Variants in XPR1 observed in about 807,000 individuals in gnomAD.
XPR1 encodes solute carrier family 53 member 1.
In XPR1, 28 loss-of-function variants were observed where a neutral mutation model predicts 87.5. The observed-to-expected ratio is 0.32, with a 90% CI of 0.24 to 0.44. The LOEUF (loss-of-function observed/expected upper bound fraction) is 0.44, where lower values mean the gene tolerates loss of function less well. Ranked by LOEUF, XPR1 falls within the 20% of genes least tolerant of loss-of-function variation. XPR1 has a pLI of 1.00. For missense variants in XPR1, 559 were observed against 862.3 expected (o/e 0.65, Z 4.41); for synonymous variants, 300 against 306.1 (o/e 0.98, Z 0.21).
At chr1:180,648,333 G>A (rs6685113) in intron 1 of XPR1, among the ~76,000 whole-genome samples, 24,946 of 152,142 alleles carry the variant, frequency 0.16, 2,874 homozygotes, top group African/African-American at 0.32. Flanking sequence ...GTTTAGCTGC[G>A]CTATGTGAGA....
Position 180,884,323 on chromosome 1 carries a change from C to G in XPR1, c.*257C>G, listed in dbSNP as rs1048823475. On this transcript the variant is annotated 3_prime_UTR_variant, in exon 15 of 15. Coordinates refer to ENST00000367590, the MANE Select transcript of XPR1 (RefSeq NM_004736.4). ...GCCAATCAGAGGATGTTTTAAGAAA[C>G]AAAACATAGTATCTTATGGATTGTT... 1 of 394,834 alleles carries G rather than the reference C, an allele frequency of 2.5e-6. No individual in the cohort carries two copies. Among genetic ancestry groups the G allele is most frequent in the African/African-American group, 2.1e-5 (1 of 48,526 alleles). 24.5% of individuals were successfully genotyped at this position (394,834 alleles called of 1,614,324 possible).
At chr1:180,785,143 C>A (rs899930576) in intron 2 of XPR1, among the ~76,000 whole-genome samples, 64 of 151,538 alleles carry the variant, frequency 4.2e-4, no homozygotes, top group African/African-American at 1.5e-3. Flanking sequence ...AAAACAATCT[C>A]TCTCTCTCTT....
intron 1 of XPR1, among the ~76,000 whole-genome samples, chr1:180,639,065 G>A (rs1654877641): frequency 6.6e-6 from 1 of 152,194 alleles, no homozygotes; most frequent in African/African-American, 2.4e-5. Flanking sequence ...GGGAGGCCAA[G>A]GCAGGCAGAT....
At chr1:180,809,138 G>A (rs1650112567) in intron 6 of XPR1, among the ~76,000 whole-genome samples, 1 of 152,152 alleles carries the variant, frequency 6.6e-6, no homozygotes, top group South Asian at 2.1e-4. Flanking sequence ...TTAATTATGT[G>A]GAGAGAAAGC....
At chr1:180,775,501 A>ATATCTT (rs1469709242) in intron 2 of XPR1, among the ~76,000 whole-genome samples, 28 of 152,202 alleles carry the variant, frequency 1.8e-4, no homozygotes, top group South Asian at 4.1e-4. Flanking sequence ...TTATCCTCAG[A>ATATCTT]TATCTTTTGT....
At chr1:180,795,436 A>G (rs1018417396) in intron 3 of XPR1, among the ~76,000 whole-genome samples, 15 of 152,202 alleles carry the variant, frequency 9.9e-5, no homozygotes, top group Non-Finnish European at 1.5e-4. Flanking sequence ...TTGTTCTCAT[A>G]TTCAGGTCAC....
At chr1:180,745,398 G>C (rs147657285) in intron 2 of XPR1, among the ~76,000 whole-genome samples, 210 of 152,298 alleles carry the variant, frequency 1.4e-3, no homozygotes, top group African/African-American at 4.3e-3. Flanking sequence ...GTCCGAGAAC[G>C]AGAGTGAGCA....
intron 2 of XPR1, among the ~76,000 whole-genome samples, chr1:180,727,780 A>G (rs1658405945): frequency 6.6e-6 from 1 of 152,228 alleles, no homozygotes; most frequent in Admixed American, 6.5e-5. Flanking sequence ...TGTGCTAAAC[A>G]AGGGGTGGAT....
chr1:180,801,942 A>G (rs1649801346), intron 3 of XPR1, among the ~76,000 whole-genome samples: 3 of 151,952 alleles, frequency 2.0e-5, no homozygotes, highest in Admixed American at 1.3e-4. Flanking sequence ...GATTACAGGA[A>G]TGCACCACCA....
At chr1:180,730,314 G>C (rs1314094767) in intron 2 of XPR1, among the ~76,000 whole-genome samples, 1 of 152,036 alleles carries the variant, frequency 6.6e-6, no homozygotes, top group Non-Finnish European at 1.5e-5. Flanking sequence ...TTTGAAGTTA[G>C]GTAATAGGAT....
At chr1:180,829,082 G>A (rs1650963450) in intron 9 of XPR1, among the ~76,000 whole-genome samples, 1 of 152,116 alleles carries the variant, frequency 6.6e-6, no homozygotes, top group Non-Finnish European at 1.5e-5. Flanking sequence ...TGTAGCCCCA[G>A]TTACTTGGGA....
At chr1:180,727,631 T>A (rs1021992257) in intron 2 of XPR1, among the ~76,000 whole-genome samples, 2 of 151,676 alleles carry the variant, frequency 1.3e-5, no homozygotes, top group Non-Finnish European at 1.5e-5. Flanking sequence ...GTGGCAAGAG[T>A]GAAACTCCAT....
chr1:180,665,568 T>C (rs1381055743), intron 1 of XPR1, among the ~76,000 whole-genome samples: 2 of 152,200 alleles, frequency 1.3e-5, no homozygotes, highest in African/African-American at 4.8e-5. Context: ...AGGCTATTCC[T>C]TTCTGGCTAG....
intron 2 of XPR1, among the ~76,000 whole-genome samples, chr1:180,773,793 A>C (rs1648608757): frequency 6.6e-6 from 1 of 152,158 alleles, no homozygotes; most frequent in South Asian, 2.1e-4. Flanking sequence ...AGTTGCTTAG[A>C]TGATAAATTT....
chr1:180,702,149 T>C lies in XPR1; in HGVS notation c.121+19738T>C, dbSNP rs569932819. Among the ~76,000 whole-genome samples the C allele has an allele frequency of 5.1e-5, 4 of 78,862 alleles. No homozygotes were observed. The South Asian group carries it at 1.5e-3, about 29-fold the overall frequency. The allele number at this position is 78,862 out of a possible 152,430, so 51.7% of individuals were successfully genotyped here. On this transcript the variant is annotated intron_variant, in intron 2 of 14. Coordinates refer to ENST00000367590, the MANE Select transcript of XPR1 (RefSeq NM_004736.4). Reference sequence around the variant, plus strand: ...CTGGTATGTGGTGTCTTTGTTCTCGTTGGTTTCAAAGAACATCTTTATTTC... The same window carrying C: ...CTGGTATGTGGTGTCTTTGTTCTCGCTGGTTTCAAAGAACATCTTTATTTC...
chr1:180,710,990 C>T (rs1220085578), intron 2 of XPR1, among the ~76,000 whole-genome samples: 2 of 143,648 alleles, frequency 1.4e-5, no homozygotes, highest in South Asian at 2.3e-4. Context: ...GGCTGCCGGG[C>T]GGAGGGGCTC....
chr1:180,832,238 G>GT (rs565540740), intron 9 of XPR1, among the ~76,000 whole-genome samples: 30 of 150,542 alleles, frequency 2.0e-4, no homozygotes, highest in Admixed American at 6.6e-4. Context: ...CTTTTTGATG[G>GT]TTTTTTTTTC....
At chr1:180,649,872 C>T (rs1045181532) in intron 1 of XPR1, among the ~76,000 whole-genome samples, 7 of 152,126 alleles carry the variant, frequency 4.6e-5, no homozygotes, top group African/African-American at 1.2e-4. Flanking sequence ...ACTACTTCTT[C>T]GGCCAGTCCT....
chr1:180,853,081 C>T (rs1651917586), intron 11 of XPR1, among the ~76,000 whole-genome samples: 1 of 152,130 alleles, frequency 6.6e-6, no homozygotes, highest in African/African-American at 2.4e-5. Flanking sequence ...CAGGCGCACA[C>T]CAAGCCCAGT....
Sources: gnomAD v4.1 joint callset for allele counts (sites outside exome capture counted in the v4.1 genomes callset) on GRCh38, gnomAD v4.1.1 for gene constraint, MANE v1.5 for transcripts, NCBI Gene and HGNC (gene_info 2026-07-23, HGNC 2026-07-21) for gene names.